Variants in PALLD observed in about 807,000 individuals in gnomAD.
The protein encoded by PALLD is palladin, cytoskeletal associated protein, also known as palladin.
A neutral mutation model predicts 123.5 loss-of-function variants in PALLD; 61 were observed. The ratio of observed to expected loss-of-function variants is 0.49; its 90% CI spans 0.40 to 0.61. PALLD has a LOEUF of 0.61. Among genes scored for constraint, PALLD ranks in the 20% least tolerant of loss-of-function variants. The pLI, the probability that PALLD is intolerant of heterozygous loss-of-function variation, is 0.00. For synonymous variants in PALLD, 465 were observed against 496.4 expected, an observed-to-expected ratio of 0.94 and a Z score of 0.84; for missense variants, 1,273 against 1,377.0, an observed-to-expected ratio of 0.92 and a Z score of 1.20.
At position 168,683,024 on chromosome 4, in the gene PALLD, C is replaced by T; in HGVS notation, c.1181C>T (p.Ser394Phe). Reference sequence around the variant, plus strand: ...GCTCAAAAGAAAACAACTTCTGTTTCCTTGACAATAGGATCATCATCTCCA... The same window carrying T: ...GCTCAAAAGAAAACAACTTCTGTTTTCTTGACAATAGGATCATCATCTCCA... ...PQAQKKTTSV[S>F]LTIGSSSPKT... The change falls in exon 5 of 22, where the codon TCC becomes TTC. Residue 394 changes from serine (S) to phenylalanine (F), a missense_variant. Coordinates refer to ENST00000505667, the MANE Select transcript of PALLD (RefSeq NM_001166108.2). 6.2e-7 allele frequency: 1 copy of T among 1,610,058 alleles called. No homozygotes were observed. The highest frequency in any genetic ancestry group is 1.1e-5 in the South Asian group (1 of 90,970).
intron 2 of PALLD, among the ~76,000 whole-genome samples, chr4:168,632,104 C>T (rs1377309233): frequency 8.0e-6 from 1 of 124,230 alleles, no homozygotes; most frequent in East Asian, 2.5e-4. Flanking sequence ...GGTCCTGCTT[C>T]GCGGGACTTT....
intron 2 of PALLD, among the ~76,000 whole-genome samples, chr4:168,524,620 A>G (rs1763874518): frequency 6.6e-6 from 1 of 152,152 alleles, no homozygotes; most frequent in South Asian, 2.1e-4. Flanking sequence ...GCTATACTCT[A>G]CTGCCATAAC....
At chr4:168,586,153 TAAAAAAAAAA>T (rs35474736) in intron 2 of PALLD, among the ~76,000 whole-genome samples, 3 of 75,520 alleles carry the variant, frequency 4.0e-5, no homozygotes, top group African/African-American at 5.3e-5. Context: ...TCAAGAGACC[TAAAAAAAAAA>T]AAAAAAAAAA....
At chr4:168,590,969 C>T (rs1279001467) in intron 2 of PALLD, among the ~76,000 whole-genome samples, 1 of 149,044 alleles carries the variant, frequency 6.7e-6, no homozygotes. Flanking sequence ...AACCTCCTCC[C>T]CCCAGGTTCA....
intron 2 of PALLD, among the ~76,000 whole-genome samples, chr4:168,651,193 C>T (rs1778005876): frequency 6.6e-6 from 1 of 152,182 alleles, no homozygotes; most frequent in Non-Finnish European, 1.5e-5. Context: ...ATCAATAAAT[C>T]ACTTCTAAAG....
intron 2 of PALLD, among the ~76,000 whole-genome samples, chr4:168,661,143 G>A (rs1164631519): frequency 6.6e-6 from 1 of 152,160 alleles, no homozygotes; most frequent in South Asian, 2.1e-4. Context: ...TCCTGACCTT[G>A]TGATCTGCCC....
intron 2 of PALLD, among the ~76,000 whole-genome samples, chr4:168,667,783 CA>C (rs2150011051): frequency 6.6e-6 from 1 of 152,220 alleles, no homozygotes; most frequent in South Asian, 2.1e-4. Context: ...AGTTTCTTTT[CA>C]TATATTAAAT....
chr4:168,875,659 G>C (rs1482613384), intron 10 of PALLD, among the ~76,000 whole-genome samples: 1 of 152,200 alleles, frequency 6.6e-6, no homozygotes, highest in East Asian at 1.9e-4. Flanking sequence ...CTTGTGAAAT[G>C]CTACGTTAAT....
At chr4:168,801,638 C>T (rs561801542) in intron 10 of PALLD, among the ~76,000 whole-genome samples, 29 of 152,292 alleles carry the variant, frequency 1.9e-4, no homozygotes, top group African/African-American at 7.0e-4. Flanking sequence ...GCTTACAAGA[C>T]AAAGAGAACG....
At chr4:168,834,426 T>C (rs994348459) in intron 10 of PALLD, among the ~76,000 whole-genome samples, 1 of 152,136 alleles carries the variant, frequency 6.6e-6, no homozygotes, top group African/African-American at 2.4e-5. Context: ...TAGTTTTTAG[T>C]TGACTTTTAA....
chr4:168,690,620 C>A lies in PALLD; in HGVS notation c.1353C>A (p.Ala451=). Residue 451 remains alanine (A), a synonymous_variant, in exon 7 of 22, where the codon GCC becomes GCA. Coordinates refer to ENST00000505667, the MANE Select transcript of PALLD (RefSeq NM_001166108.2). ...PVFTKELQNT[A]VAEGQVVVLE... ...AATTTCAGGAACTGCAAAACACAGCCGTGGCGGAAGGCCAGGTGGTGGTTC... is the reference window on the plus strand; with the variant it reads ...AATTTCAGGAACTGCAAAACACAGCAGTGGCGGAAGGCCAGGTGGTGGTTC... The A allele has an allele frequency of 1.2e-6, 2 of 1,614,126 alleles. No homozygotes were observed. Among genetic ancestry groups the A allele is most frequent in the Non-Finnish European group, 1.7e-6 (2 of 1,180,014 alleles).
At chr4:168,707,384 G>A (rs573145281) in intron 8 of PALLD, among the ~76,000 whole-genome samples, 32 of 152,182 alleles carry the variant, frequency 2.1e-4, no homozygotes, top group Non-Finnish European at 3.7e-4. Flanking sequence ...CTGTCTCAGT[G>A]CGGCCATGGT....
chr4:168,870,306 G>T (rs1750908822), intron 10 of PALLD, among the ~76,000 whole-genome samples: 1 of 152,114 alleles, frequency 6.6e-6, no homozygotes, highest in African/African-American at 2.4e-5. Flanking sequence ...TTTTTGTCTT[G>T]ATCTGGGTAG....
At chr4:168,657,217 A>C (rs1361162867) in intron 2 of PALLD, among the ~76,000 whole-genome samples, 1 of 152,246 alleles carries the variant, frequency 6.6e-6, no homozygotes. Flanking sequence ...TTTCTCTCTC[A>C]GAAATTCAGT....
chr4:168,874,833 TC>T (rs1353000834), intron 10 of PALLD, among the ~76,000 whole-genome samples: 2 of 152,204 alleles, frequency 1.3e-5, no homozygotes, highest in South Asian at 4.2e-4. Context: ...GTCTAGACGG[TC>T]CCCTTTCCTT....
At chr4:168,614,357 C>T (rs1774017639) in intron 2 of PALLD, among the ~76,000 whole-genome samples, 1 of 152,210 alleles carries the variant, frequency 6.6e-6, no homozygotes, top group Non-Finnish European at 1.5e-5. Context: ...GTGCCCAAAA[C>T]AACAGCTCCC....
At chr4:168,594,777 T>C (rs970078889) in intron 2 of PALLD, among the ~76,000 whole-genome samples, 12 of 152,194 alleles carry the variant, frequency 7.9e-5, no homozygotes, top group Non-Finnish European at 1.6e-4. Context: ...GTGTCAGTGA[T>C]ATCCTTGTAG....
intron 2 of PALLD, among the ~76,000 whole-genome samples, chr4:168,595,188 C>G (rs773199432): frequency 6.6e-6 from 1 of 152,126 alleles, no homozygotes; most frequent in Non-Finnish European, 1.5e-5. Context: ...TGTGGTTATC[C>G]GCTGTCTTTT....
At chr4:168,694,168 A>G (rs570303965) in intron 8 of PALLD, among the ~76,000 whole-genome samples, 41 of 152,330 alleles carry the variant, frequency 2.7e-4, no homozygotes, top group African/African-American at 9.1e-4. Flanking sequence ...TGAGCTATTA[A>G]ACTATATAGA....
Sources: allele counts gnomAD v4.1 joint callset (sites outside exome capture counted in the v4.1 genomes callset), GRCh38; gene constraint gnomAD v4.1.1; transcripts MANE v1.5; gene names NCBI Gene and HGNC (gene_info 2026-07-23, HGNC 2026-07-21).